The following CSMD2 variants were observed in gnomAD, a reference collection of about 807,000 sequenced individuals.
CSMD2 encodes CUB and sushi domain-containing protein 2.
CSMD2 carries 130 observed loss-of-function variants against 398.5 expected under a neutral mutation model. The observed-to-expected ratio is 0.33, with a 90% CI of 0.28 to 0.38. CSMD2 has a LOEUF of 0.38. Ranked by LOEUF, CSMD2 falls within the 10% of genes least tolerant of loss-of-function variation. The pLI, the probability that CSMD2 is intolerant of heterozygous loss-of-function variation, is 1.00. For synonymous variants in CSMD2, 1,828 were observed against 1,908.5 expected (o/e 0.96, Z 1.10); for missense variants, 3,829 against 4,764.9 (o/e 0.80, Z 5.78).
intron 5 of CSMD2, among the ~76,000 whole-genome samples, chr1:33,915,923 C>T (rs78277137): frequency 0.027 from 4,176 of 152,246 alleles, 192 homozygotes; most frequent in African/African-American, 0.094. Flanking sequence ...GCTCCTTACT[C>T]GCCGGTGTGA....
chr1:33,607,746 C>G (rs1250458022), intron 41 of CSMD2, among the ~76,000 whole-genome samples: 2 of 152,216 alleles, frequency 1.3e-5, no homozygotes, highest in Admixed American at 1.3e-4. Context: ...CTGTGGCAGA[C>G]AGGTGAACGC....
At chr1:33,552,637 G>T (rs1351967031) in intron 55 of CSMD2, among the ~76,000 whole-genome samples, 1 of 152,188 alleles carries the variant, frequency 6.6e-6, no homozygotes, top group Non-Finnish European at 1.5e-5. Context: ...ATGCTAAAAC[G>T]TGGATGAACT....
In CSMD2 at chr1:33,726,692, G is replaced by A; in HGVS notation, c.2369-7C>T. On this transcript the variant is annotated splice_region_variant and splice_polypyrimidine_tract_variant and intron_variant, in intron 15 of 70. Transcript: ENST00000373381. ...AGGTGACCACCACAGGGAGCTGGGG[G>A]GACAGAAGGAAGAGAGGCAGCTTTC... The A allele has an allele frequency of 6.2e-7, 1 of 1,604,300 alleles. No individual in the cohort carries two copies. Among genetic ancestry groups the A allele is most frequent in the Non-Finnish European group, 8.5e-7 (1 of 1,177,188 alleles).
intron 6 of CSMD2, among the ~76,000 whole-genome samples, chr1:33,832,927 T>C (rs1397299348): frequency 6.6e-6 from 1 of 151,574 alleles, no homozygotes; most frequent in African/African-American, 2.4e-5. Context: ...CCTAGACACA[T>C]ACACCCTCCC....
chr1:33,677,636 C>A (rs1314085637), intron 25 of CSMD2, among the ~76,000 whole-genome samples: 1 of 152,124 alleles, frequency 6.6e-6, no homozygotes, highest in African/African-American at 2.4e-5. Flanking sequence ...ATAAATCATG[C>A]AGCTATAAAG....
intron 1 of CSMD2, among the ~76,000 whole-genome samples, chr1:34,125,615 A>G (rs566034882): frequency 9.9e-5 from 15 of 152,262 alleles, no homozygotes; most frequent in Admixed American, 3.3e-4. Flanking sequence ...TCACCAAAAT[A>G]GCATCAAGCA....
chr1:33,880,225 C>T (rs981130243), intron 5 of CSMD2, among the ~76,000 whole-genome samples: 1 of 152,124 alleles, frequency 6.6e-6, no homozygotes, highest in African/African-American at 2.4e-5. Flanking sequence ...AGTCAGTGCC[C>T]CTTTGCATAG....
intron 6 of CSMD2, among the ~76,000 whole-genome samples, chr1:33,830,835 A>G (rs916802461): frequency 1.1e-4 from 16 of 152,370 alleles, no homozygotes; most frequent in Admixed American, 9.8e-4. Context: ...TGGAGCTGAA[A>G]GCCAAGGCTC....
intron 1 of CSMD2, among the ~76,000 whole-genome samples, chr1:34,118,351 C>T (rs1275205847): frequency 1.3e-5 from 2 of 152,160 alleles, no homozygotes; most frequent in Non-Finnish European, 2.9e-5. Context: ...CCTCTAAGAT[C>T]AGGAACAAGG....
intron 7 of CSMD2, 110 bp downstream of exon 7, chr1:33,825,587 G>C: frequency 1.0e-6 from 1 of 958,230 alleles, no homozygotes; most frequent in South Asian, 1.4e-5. Context: ...GGAGGAAGCA[G>C]GGTTGAAGGA....
At chr1:34,076,205 A>C (rs9425899) in intron 2 of CSMD2, among the ~76,000 whole-genome samples, 58,331 of 152,076 alleles carry the variant, frequency 0.38, 11,924 homozygotes, top group African/African-American at 0.53. Flanking sequence ...ATGCCAGGTG[A>C]AGCTGCCAGT....
At chr1:33,552,984 C>T (rs1461554106) in intron 55 of CSMD2, among the ~76,000 whole-genome samples, 1 of 152,168 alleles carries the variant, frequency 6.6e-6, no homozygotes, top group Non-Finnish European at 1.5e-5. Flanking sequence ...AAATCCTCCA[C>T]TTGAAAGAAA....
intron 44 of CSMD2, among the ~76,000 whole-genome samples, chr1:33,590,030 A>C (rs1175880812): frequency 6.6e-6 from 1 of 152,168 alleles, no homozygotes. Flanking sequence ...AGGAAAAAAA[A>C]ATGAATAAAA....
At chr1:33,702,950 C>G (rs1256137080) in intron 22 of CSMD2, among the ~76,000 whole-genome samples, 3 of 152,144 alleles carry the variant, frequency 2.0e-5, no homozygotes, top group Non-Finnish European at 4.4e-5. Flanking sequence ...ATTCCACACA[C>G]TACTAATTTC....
chr1:33,591,328 T>C (rs1639440514), intron 44 of CSMD2, among the ~76,000 whole-genome samples: 1 of 152,128 alleles, frequency 6.6e-6, no homozygotes, highest in Non-Finnish European at 1.5e-5. Context: ...TAGAAAAAAA[T>C]GTGAGCTCAC....
chr1:34,041,982 A>T (rs1651898489), intron 2 of CSMD2, among the ~76,000 whole-genome samples: 1 of 152,188 alleles, frequency 6.6e-6, no homozygotes, highest in Non-Finnish European at 1.5e-5. Context: ...CTCAGAGAGG[A>T]GGAGGAACAT....
chr1:34,127,682 TAGAA>T (rs1328068082), intron 1 of CSMD2, among the ~76,000 whole-genome samples: 4 of 152,066 alleles, frequency 2.6e-5, no homozygotes, highest in Admixed American at 6.5e-5. Flanking sequence ...AGGTGGCCGA[TAGAA>T]AGATAGTTAA....
chr1:34,045,722 G>C (rs932068886), intron 2 of CSMD2, among the ~76,000 whole-genome samples: 1 of 152,192 alleles, frequency 6.6e-6, no homozygotes, highest in Non-Finnish European at 1.5e-5. Context: ...TCTAAAAATA[G>C]GGGAGAAGCA....
At chr1:33,540,726 T>C in intron 59 of CSMD2, 28 bp from the exon 60 acceptor site, 2 of 1,612,918 alleles carry the variant, frequency 1.2e-6, no homozygotes, top group Admixed American at 1.7e-5. Context: ...CAGGCTGAGT[T>C]CTGATGCTGT....
Sources: gnomAD v4.1 joint callset for allele counts (sites outside exome capture counted in the v4.1 genomes callset) on GRCh38, gnomAD v4.1.1 for gene constraint, MANE v1.5 for transcripts, NCBI Gene and HGNC (gene_info 2026-07-23, HGNC 2026-07-21) for gene names.